The following PCDHAC1 variants were observed in gnomAD, a reference collection of about 807,000 sequenced individuals.
The protein encoded by PCDHAC1 is protocadherin alpha-C1.
Under a neutral mutation model 60.0 loss-of-function variants are expected in PCDHAC1, and 42 were observed. The observed-to-expected ratio is 0.70, with a 90% confidence interval of 0.55 to 0.90. PCDHAC1 has a LOEUF of 0.90. PCDHAC1 is among the 40% of genes least tolerant of loss of function. The pLI is 0.00. For missense variants in PCDHAC1, 1,160 were observed against 1,222.3 expected (o/e 0.95, Z 0.76); for synonymous variants, 468 against 499.3 (o/e 0.94, Z 0.84).
chr5:140,979,090 C>A, intron 2 of PCDHAC1, 83 bp downstream of exon 2: 1 of 1,557,284 alleles, frequency 6.4e-7, no homozygotes, highest in Non-Finnish European at 8.7e-7. Flanking sequence ...AGGCCAGAAG[C>A]AGCTGTCAAA....
intron 3 of PCDHAC1, among the ~76,000 whole-genome samples, chr5:140,993,561 T>C (rs1282310511): frequency 6.6e-6 from 1 of 151,800 alleles, no homozygotes; most frequent in Non-Finnish European, 1.5e-5. Flanking sequence ...GTATATAGTA[T>C]CCTTTCTAGG....
intron 3 of PCDHAC1, among the ~76,000 whole-genome samples, chr5:140,986,402 A>G (rs782590214): frequency 6.6e-6 from 1 of 152,192 alleles, no homozygotes; most frequent in Non-Finnish European, 1.5e-5. Context: ...CCAGTCGCTC[A>G]TGTTACAGCT....
chr5:140,956,177 A>G (rs1261759530), intron 1 of PCDHAC1, among the ~76,000 whole-genome samples: 6 of 152,192 alleles, frequency 3.9e-5, no homozygotes, highest in Non-Finnish European at 8.8e-5. Flanking sequence ...AGAACTTCCA[A>G]TACTATGCTG....
Position 140,928,687 on chromosome 5 carries a change from C to G in PCDHAC1, c.1795C>G (p.His599Asp), listed in dbSNP as rs782599747. 6.2e-7 allele frequency: 1 copy of G among 1,614,142 alleles called. No homozygotes were observed. Among genetic ancestry groups the G allele is most frequent in the Non-Finnish European group, 8.5e-7 (1 of 1,180,032 alleles). The change falls in exon 1 of 4, where the codon CAC (histidine) becomes GAC (aspartate). Residue 599 changes from histidine (H) to aspartate (D), a missense_variant. Around this residue, in one of 3 missense-constraint regions of PCDHAC1, gnomAD observed 1,113 missense variants for 1,163.7 expected, o/e 0.96. Coordinates refer to ENST00000253807, the MANE Select transcript of PCDHAC1 (RefSeq NM_018898.5). The part of the protein sequence containing the change: ...DSGSNAWLSY[H>D]ISRASDSSLF... ...TGGTTCTAATGCCTGGCTTTCCTAC[C>G]ACATCTCCCGGGCGTCTGACTCTAG...
At chr5:140,963,701 AG>A (rs1226096855) in intron 1 of PCDHAC1, among the ~76,000 whole-genome samples, 2 of 152,218 alleles carry the variant, frequency 1.3e-5, no homozygotes, top group Non-Finnish European at 1.5e-5. Flanking sequence ...TGATATCTAA[AG>A]GGCCATGCTA....
intron 1 of PCDHAC1, among the ~76,000 whole-genome samples, chr5:140,933,701 A>G (rs1204346571): frequency 6.6e-6 from 1 of 151,814 alleles, no homozygotes; most frequent in East Asian, 1.9e-4. Flanking sequence ...CCTCGGACAC[A>G]TTTACTGAGA....
chr5:140,966,753 C>G, intron 1 of PCDHAC1: 3 of 1,433,176 alleles, frequency 2.1e-6, no homozygotes, highest in South Asian at 1.5e-5. Flanking sequence ...CTGCCTCCGC[C>G]GCGGCCAGTG....
At chr5:140,998,274 T>C (rs2097804171) in intron 3 of PCDHAC1, among the ~76,000 whole-genome samples, 1 of 152,162 alleles carries the variant, frequency 6.6e-6, no homozygotes, top group African/African-American at 2.4e-5. Flanking sequence ...CTGACACCCA[T>C]AGGATTAAAT....
At position 140,929,303 on chromosome 5, in the gene PCDHAC1, A is replaced by G. The variant is rs782378312; in HGVS notation, c.2411A>G (p.Asp804Gly). 1.1e-5 allele frequency: 17 copies of G among 1,586,722 alleles called. No individual in the cohort carries two copies. The highest frequency in any genetic ancestry group is 1.1e-5 in the Non-Finnish European group (13 of 1,162,766). Residue 804 changes from aspartate (D) to glycine (G), a missense_variant, in exon 1 of 4, where the codon GAT becomes GGT. This residue lies in a region of PCDHAC1 where 1,113 missense variants were observed against 1,163.7 expected (regional missense o/e 0.96). Coordinates refer to ENST00000253807, the MANE Select transcript of PCDHAC1 (RefSeq NM_018898.5). ...ATTCAGATTCGGAATAGGAAAGGGG[A>G]TCACGCTAATGTCAATGCCATGGTA... is the stretch of plus-strand genomic sequence containing the variant. ...SCIQIRNRKGDHANVNAMPRQ... is the reference protein window; with the variant it reads ...SCIQIRNRKGGHANVNAMPRQ...
chr5:140,980,562 G>A (rs944389305), intron 2 of PCDHAC1, among the ~76,000 whole-genome samples: 2 of 152,048 alleles, frequency 1.3e-5, no homozygotes, highest in Non-Finnish European at 2.9e-5. Context: ...CCCGGGAGGC[G>A]GAAGTTGCAG....
intron 1 of PCDHAC1, among the ~76,000 whole-genome samples, chr5:140,978,124 G>A (rs1554239035): frequency 6.6e-6 from 1 of 152,140 alleles, no homozygotes; most frequent in East Asian, 1.9e-4. Context: ...GTCTTTAGGT[G>A]CCCATATTTT....
chr5:140,985,226 C>T (rs1319001576), intron 3 of PCDHAC1, among the ~76,000 whole-genome samples: 6 of 152,126 alleles, frequency 3.9e-5, no homozygotes, highest in Admixed American at 6.5e-5. Flanking sequence ...CGTGAGCCAC[C>T]GCGCCTGGCC....
intron 1 of PCDHAC1, among the ~76,000 whole-genome samples, chr5:140,975,810 A>T (rs1310331964): frequency 7.4e-6 from 1 of 134,690 alleles, no homozygotes; most frequent in African/African-American, 2.5e-5. Context: ...TTATAATTTT[A>T]ATAGGAACTG....
chr5:140,960,848 A>G (rs2095575135), intron 1 of PCDHAC1, among the ~76,000 whole-genome samples: 1 of 152,212 alleles, frequency 6.6e-6, no homozygotes, highest in Non-Finnish European at 1.5e-5. Context: ...GTTTAATGGC[A>G]ACTATAAGCC....
intron 1 of PCDHAC1, among the ~76,000 whole-genome samples, chr5:140,962,596 T>C (rs2095694957): frequency 6.6e-6 from 1 of 152,218 alleles, no homozygotes; most frequent in South Asian, 2.1e-4. Flanking sequence ...TTGACTGATA[T>C]ATTTCTTCTG....
At chr5:140,974,109 T>A (rs192229356) in intron 1 of PCDHAC1, among the ~76,000 whole-genome samples, 366 of 152,368 alleles carry the variant, frequency 2.4e-3, no homozygotes, top group Non-Finnish European at 3.7e-3. Context: ...AAAAGTATTC[T>A]TTTGCAGTGT....
At chr5:141,004,080 A>G (rs1554259443) in intron 3 of PCDHAC1, among the ~76,000 whole-genome samples, 1 of 152,198 alleles carries the variant, frequency 6.6e-6, no homozygotes, top group Non-Finnish European at 1.5e-5. Context: ...TAGGGGTAGA[A>G]ATGTGCTTCT....
rs571215806 is a variant in PCDHAC1, at chr5:140,940,454, G to T, written c.2433+11129G>T. Among the ~76,000 whole-genome samples, 18 of 151,694 alleles carry T rather than the reference G, an allele frequency of 1.2e-4. No homozygotes were observed. The East Asian group carries it at 3.3e-3, about 28-fold the overall frequency. On this transcript the variant is annotated intron_variant, in intron 1 of 3. Coordinates refer to ENST00000253807, the MANE Select transcript of PCDHAC1 (RefSeq NM_018898.5). ...AAGTCTGCCATGATATTTTTTATAGGTTTCTGTTCCCTGCAATTTTTTTTT... is the reference window on the plus strand; with the variant it reads ...AAGTCTGCCATGATATTTTTTATAGTTTTCTGTTCCCTGCAATTTTTTTTT...
At chr5:140,995,281 A>G (rs1159938577) in intron 3 of PCDHAC1, among the ~76,000 whole-genome samples, 1 of 152,144 alleles carries the variant, frequency 6.6e-6, no homozygotes. Context: ...TGATACCAAA[A>G]CAGCCAGTCG....
Sources: allele counts gnomAD v4.1 joint callset (sites outside exome capture counted in the v4.1 genomes callset), GRCh38; gene constraint gnomAD v4.1.1; regional missense constraint gnomAD v4.1.1; transcripts MANE v1.5; gene names NCBI Gene and HGNC (gene_info 2026-07-23, HGNC 2026-07-21).